Variants in BRF1 observed in about 807,000 individuals in gnomAD.
BRF1 encodes the protein transcription factor IIIB 90 kDa subunit.
In BRF1, 59 loss-of-function variants were observed where a neutral mutation model predicts 81.7. The ratio of observed to expected loss-of-function variants is 0.72; its 90% CI spans 0.59 to 0.90. The LOEUF (loss-of-function observed/expected upper bound fraction) is 0.90. BRF1 is among the 40% of genes least tolerant of loss of function. BRF1 has a pLI of 0.00. For synonymous variants in BRF1, 491 were observed against 395.6 expected, an observed-to-expected ratio of 1.24 and a Z score of -2.86; for missense variants, 1,050 against 936.3, an observed-to-expected ratio of 1.12 and a Z score of -1.58.
intron 5 of BRF1, 116 bp downstream of exon 5, chr14:105,252,391 T>C: frequency 6.9e-7 from 1 of 1,455,338 alleles, no homozygotes; most frequent in Non-Finnish European, 9.0e-7. Context: ...AAACATTTCT[T>C]ACCTTGAGGG....
rs1364822962 is a variant in BRF1, at chr14:105,308,451, CAG to C, written c.-162+6869_-162+6870del. ...GAGCTGAGATGGCACCATTGTACTCCAGCCTGGGCACGACAGAGGCAGATTCT... is the reference window on the plus strand; with the variant it reads ...GAGCTGAGATGGCACCATTGTACTCCCCTGGGCACGACAGAGGCAGATTCT... On this transcript the variant is annotated intron_variant, in intron 1 of 17. Coordinates refer to the BRF1 transcript ENST00000327359. Among the ~76,000 whole-genome samples the C allele has an allele frequency of 2.2e-4, 33 of 150,944 alleles. 1 individual carries two copies. Among genetic ancestry groups the C allele is most frequent in the Admixed American group, 1.5e-3 (23 of 15,180 alleles).
intron 5 of BRF1, among the ~76,000 whole-genome samples, chr14:105,244,567 C>T (rs587775532): frequency 1.3e-5 from 2 of 151,954 alleles, no homozygotes; most frequent in Non-Finnish European, 2.9e-5. Context: ...CAGAGCGGCA[C>T]GGGACAGGCA....
At chr14:105,261,268 G>A (rs587596434) in intron 3 of BRF1, among the ~76,000 whole-genome samples, 4 of 152,364 alleles carry the variant, frequency 2.6e-5, no homozygotes, top group African/African-American at 9.6e-5. Flanking sequence ...TGCCCTCAAA[G>A]GGCGCCAGAC....
Position 105,211,183 on chromosome 14 carries a change from C to T in BRF1, c.1935G>A (p.Glu645=). Reference sequence around the variant, plus strand: ...GCTCCCCGTCCTCCTCGTCAGGCTCCTCCTCGTCAGCCTCCTCGTCGGCGT... The same window carrying T: ...GCTCCCCGTCCTCCTCGTCAGGCTCTTCCTCGTCAGCCTCCTCGTCGGCGT... The part of the protein sequence containing the change: ...SYHADEEADE[E]EPDEEDGEPC... The change falls in exon 17 of 18, where the codon GAG becomes GAA. Residue 645 remains glutamate, a synonymous_variant. Coordinates refer to ENST00000547530, the MANE Select transcript of BRF1 (RefSeq NM_001519.4). 6.2e-7 allele frequency: 1 copy of T among 1,612,436 alleles called. No homozygotes were observed. Among genetic ancestry groups the T allele is most frequent in the Non-Finnish European group, 8.5e-7 (1 of 1,179,878 alleles).
intron 5 of BRF1, among the ~76,000 whole-genome samples, chr14:105,242,807 A>C (rs2054788370): frequency 6.6e-6 from 1 of 151,846 alleles, no homozygotes. Context: ...AAGTCTATAC[A>C]AAAGTTTTTG....
At chr14:105,245,511 T>G (rs2055030084) in intron 5 of BRF1, among the ~76,000 whole-genome samples, 1 of 151,604 alleles carries the variant, frequency 6.6e-6, no homozygotes, top group Non-Finnish European at 1.5e-5. Flanking sequence ...AGAAAAGAAT[T>G]AAAAAGTCCA....
chr14:105,221,904 C>T lies in BRF1; in HGVS notation c.1059G>A (p.Glu353=). The T allele has an allele frequency of 6.3e-7, 1 of 1,592,410 alleles. No homozygotes were observed. The highest frequency in any genetic ancestry group is 8.5e-7 in the Non-Finnish European group (1 of 1,169,952). The change falls in exon 11 of 18, where the codon GAG becomes GAA. Residue 353 remains glutamate, a synonymous_variant. Transcript: ENST00000547530. ...LASLAKDGST[E]DTASSLCGEE... ...CGCCACACAAGCTGGACGCGGTGTC[C>T]TCGGTGGAGCCTAGGTGTACACAAT... is the stretch of plus-strand genomic sequence containing the variant.
At chr14:105,298,945 C>T (rs911334078) in intron 1 of BRF1, among the ~76,000 whole-genome samples, 7 of 151,490 alleles carry the variant, frequency 4.6e-5, no homozygotes, top group Admixed American at 6.6e-5. Flanking sequence ...CCGAGGTAGG[C>T]GGATCACGAG....
At chr14:105,223,085 T>C (rs1013363857) in intron 10 of BRF1, among the ~76,000 whole-genome samples, 1 of 152,040 alleles carries the variant, frequency 6.6e-6, no homozygotes. Flanking sequence ...CCCAGCTACT[T>C]GGGAGGCTGA....
intron 5 of BRF1, 105 bp from the exon 6 acceptor site, chr14:105,241,519 GC>G: frequency 7.8e-6 from 11 of 1,408,944 alleles, no homozygotes; most frequent in South Asian, 1.3e-5. Context: ...GTCTTTCCAG[GC>G]CCCCAGGCCC....
Position 105,272,880 on chromosome 14 carries a change from G to A in BRF1, c.280C>T (p.His94Tyr), listed in dbSNP as rs1595440575. 1.2e-6 allele frequency: 2 copies of A among 1,612,828 alleles called. No individual in the cohort carries two copies. The highest frequency in any genetic ancestry group is 1.7e-6 in the Non-Finnish European group (2 of 1,179,202). ...AGCTGCAGCTGGTTCCCCAGGTGGTGGATGTGGCGCCTCCCTAGGACACAG... is the reference window on the plus strand; with the variant it reads ...AGCTGCAGCTGGTTCCCCAGGTGGTAGATGTGGCGCCTCCCTAGGACACAG... ...QTLQNGRRHI[H>Y]HLGNQLQLNQ... The change falls in exon 3 of 18, where the codon CAC becomes TAC. Residue 94 changes from histidine to tyrosine, a missense_variant. By Grantham distance (83) the His-to-Tyr change is moderately conservative. Transcript: ENST00000547530.
In BRF1 at chr14:105,217,773, G is replaced by A; in HGVS notation, c.1543C>T (p.Pro515Ser). 1.2e-6 allele frequency: 2 copies of A among 1,612,696 alleles called. No homozygotes were observed. Among genetic ancestry groups the A allele is most frequent in the Non-Finnish European group, 1.7e-6 (2 of 1,179,696 alleles). The stretch of plus-strand genomic sequence containing the variant: ...TCCCTGGCGGTACTGGCCTGAATTG[G>A]CTCCCGTCGCTTGCAAGACTTCTTG... ...KPKKSCKRRE[P>S]IQASTAREAI... The change falls in exon 15 of 18, where the codon CCA (proline) becomes TCA (serine). Residue 515 changes from proline (P) to serine (S), a missense_variant. Transcript: ENST00000547530.
intron 1 of BRF1, among the ~76,000 whole-genome samples, chr14:105,295,936 G>A (rs775526882): frequency 4.0e-5 from 6 of 151,604 alleles, no homozygotes; most frequent in African/African-American, 7.3e-5. Context: ...AAAACCAGCC[G>A]GGTATGGTAG....
chr14:105,241,385 G>T lies in BRF1; in HGVS notation c.574C>A (p.His192Asn). 1 of 1,612,700 alleles carries T rather than the reference G, an allele frequency of 6.2e-7. No homozygotes were observed. The highest frequency in any genetic ancestry group is 1.7e-4 in the Middle Eastern group (1 of 6,058). The change falls in exon 6 of 18, where the codon CAC (histidine) becomes AAC (asparagine). Residue 192 changes from histidine (H) to asparagine (N), a missense_variant. Transcript: ENST00000547530. ...TTCTTCTCCCCGAATTCCAGCAGGT[G>T]CGCAAAGCGTGGAATATACAGGCAC... ...DPCLYIPRFA[H>N]LLEFGEKNHE... is the part of the protein sequence containing the mutation.
chr14:105,246,823 T>C (rs2055146878), intron 5 of BRF1: 2 of 985,414 alleles, frequency 2.0e-6, no homozygotes. Flanking sequence ...AAAATTATTA[T>C]TCACATGCTC....
intron 14 of BRF1, 44 bp downstream of exon 14, chr14:105,218,954 T>A (rs1445338040): frequency 6.2e-7 from 1 of 1,612,674 alleles, no homozygotes. Flanking sequence ...CCCCGTAACC[T>A]GGACACCCCC....
In BRF1 at chr14:105,228,858, G is replaced by C. The variant is rs780260950; in HGVS notation, c.750C>G (p.Ile250Met). ...TGGACTCACACACTTTGACCACACTGATGACCTCCTTCACAGTCCTCCTGA... is the reference window on the plus strand; with the variant it reads ...TGGACTCACACACTTTGACCACACTCATGACCTCCTTCACAGTCCTCCTGA... ...HDFRRTVKEV[I>M]SVVKVCESTL... The change falls in exon 7 of 18, where the codon ATC becomes ATG. Residue 250 changes from isoleucine to methionine, a missense_variant. Physicochemically the swap from Ile to Met is conservative, Grantham distance 10. This residue lies in a region of BRF1 where 1,043 missense variants were observed against 915.4 expected (regional missense o/e 1.14). Transcript: ENST00000547530. 4.3e-6 allele frequency: 7 copies of C among 1,613,902 alleles called. No individual in the cohort carries two copies. The highest frequency in any genetic ancestry group is 5.9e-6 in the Non-Finnish European group (7 of 1,180,006).
At chr14:105,218,517 G>A (rs1891702776) in intron 14 of BRF1, among the ~76,000 whole-genome samples, 1 of 152,174 alleles carries the variant, frequency 6.6e-6, no homozygotes. Flanking sequence ...CTGGCTCCCC[G>A]TGTTTTCTCC....
intron 1 of BRF1, among the ~76,000 whole-genome samples, chr14:105,299,878 A>T (rs1173701288): frequency 6.6e-6 from 1 of 152,244 alleles, no homozygotes; most frequent in South Asian, 2.1e-4. Flanking sequence ...ATGAAAACGT[A>T]TGTTCACACA....
Sources: allele counts gnomAD v4.1 joint callset (sites outside exome capture counted in the v4.1 genomes callset), GRCh38; gene constraint gnomAD v4.1.1; regional missense constraint gnomAD v4.1.1; transcripts MANE v1.5; gene names NCBI Gene and HGNC (gene_info 2026-07-23, HGNC 2026-07-21).